NAE1: variants seen among roughly 807,000 people sequenced by gnomAD.
NAE1 encodes the protein NEDD8 activating enzyme E1 subunit 1.
NAE1 carries 59 observed loss-of-function variants against 88.0 expected under a neutral mutation model. The observed-to-expected ratio is 0.67, with a 90% CI of 0.54 to 0.83. NAE1 has a LOEUF of 0.83. NAE1 is among the 40% of genes least tolerant of loss of function. NAE1 has a pLI of 0.00. For synonymous variants in NAE1, 186 were observed against 208.9 expected, an observed-to-expected ratio of 0.89 and a Z score of 0.95; for missense variants, 554 against 632.8, an observed-to-expected ratio of 0.88 and a Z score of 1.34.
At chr16:66,828,155 G>C (rs1960539192) in intron 1 of NAE1, 1 of 1,043,574 alleles carries the variant, frequency 9.6e-7, no homozygotes, top group East Asian at 2.4e-5. Flanking sequence ...GACATATATG[G>C]TTGATGGATG....
At position 66,810,370 on chromosome 16, in the gene NAE1, T is replaced by C; in HGVS notation, c.1150+4A>G. On this transcript the variant is annotated splice_donor_region_variant and intron_variant, in intron 15 of 19. Transcript: ENST00000290810. Reference sequence around the variant, plus strand: ...AATAAGGAAATTAATTCAAGGGGACTTACAGAGTAATTTTAATTCTTTCTC... The same window carrying C: ...AATAAGGAAATTAATTCAAGGGGACCTACAGAGTAATTTTAATTCTTTCTC... 1 of 1,590,688 alleles carries C rather than the reference T, an allele frequency of 6.3e-7. No homozygotes were observed. The highest frequency in any genetic ancestry group is 8.6e-7 in the Non-Finnish European group (1 of 1,159,778).
intron 1 of NAE1, among the ~76,000 whole-genome samples, chr16:66,829,850 T>G (rs950479031): frequency 1.3e-5 from 2 of 152,180 alleles, no homozygotes; most frequent in African/African-American, 4.8e-5. Flanking sequence ...TTAACTGAGA[T>G]GTGCTGGTAA....
At chr16:66,810,880 G>A in intron 13 of NAE1, 108 bp from the exon 14 acceptor site, 1 of 876,606 alleles carries the variant, frequency 1.1e-6, no homozygotes. Context: ...ACACAGGTCT[G>A]ACAATGTATG....
chr16:66,808,458 C>A, intron 17 of NAE1, 63 bp downstream of exon 17: 1 of 1,129,102 alleles, frequency 8.9e-7, no homozygotes, highest in Admixed American at 2.0e-5. Context: ...CCTGAGAACA[C>A]TTTCAATTTA....
chr16:66,829,710 TG>T (rs1960614789), intron 1 of NAE1, among the ~76,000 whole-genome samples: 1 of 152,056 alleles, frequency 6.6e-6, no homozygotes, highest in Non-Finnish European at 1.5e-5. Flanking sequence ...AAATAAGGAA[TG>T]GGTAGTGCAA....
chr16:66,819,837 G>A (rs1226617361), intron 7 of NAE1, among the ~76,000 whole-genome samples: 1 of 152,144 alleles, frequency 6.6e-6, no homozygotes, highest in African/African-American at 2.4e-5. Context: ...AACTAGTAAT[G>A]CTGAACCTTC....
At chr16:66,816,940 A>G (rs1162637913) in intron 10 of NAE1, 25 bp downstream of exon 10, 109 of 1,573,674 alleles carry the variant, frequency 6.9e-5, no homozygotes, top group Non-Finnish European at 9.0e-5. Context: ...AGCTTTATAC[A>G]GTATTTAATC....
intron 19 of NAE1, 145 bp downstream of exon 19, chr16:66,805,632 C>T (rs1439765625): frequency 6.2e-5 from 40 of 640,520 alleles, no homozygotes; most frequent in Admixed American, 5.2e-4. Flanking sequence ...AGTGAGACTG[C>T]GTCTCAAAAA....
At position 66,818,580 on chromosome 16, in the gene NAE1, G is replaced by C; in HGVS notation, c.569C>G (p.Pro190Arg). Reference protein sequence around the residue: ...LEDLRLDKPFPELREHFQSYD... With the variant: ...LEDLRLDKPFRELREHFQSYD... ...GGACTGAAAATGTTCTCTCAGTTCA[G>C]GAAATGGCTTATCTAGTCGTAGATC... The change falls in exon 8 of 20, where the codon CCT becomes CGT. Residue 190 changes from proline (P) to arginine (R), a missense_variant. By Grantham distance (103) the Pro-to-Arg change is moderately radical. Transcript: ENST00000290810. 6.2e-7 allele frequency: 1 copy of C among 1,612,996 alleles called. No homozygotes were observed. The highest frequency in any genetic ancestry group is 2.2e-5 in the East Asian group (1 of 44,802).
intron 8 of NAE1, 62 bp from the exon 9 acceptor site, chr16:66,817,549 C>T (rs1274703021): frequency 3.1e-5 from 35 of 1,127,360 alleles, no homozygotes; most frequent in East Asian, 1.3e-4. Context: ...TGTACCATCT[C>T]GTTTTCAACA....
intron 3 of NAE1, among the ~76,000 whole-genome samples, chr16:66,825,243 C>G (rs1289772374): frequency 6.6e-6 from 1 of 151,958 alleles, no homozygotes; most frequent in South Asian, 2.1e-4. Flanking sequence ...GTCAGGAGAT[C>G]GAGACCATCC....
chr16:66,816,355 C>T (rs902237658), intron 11 of NAE1, among the ~76,000 whole-genome samples: 30 of 151,596 alleles, frequency 2.0e-4, no homozygotes, highest in Admixed American at 2.0e-4. Context: ...AGTAGAGACG[C>T]GGTTTCACTA....
At chr16:66,804,352 GAATA>G (rs1053168377) in intron 19 of NAE1, among the ~76,000 whole-genome samples, 1 of 152,086 alleles carries the variant, frequency 6.6e-6, no homozygotes, top group African/African-American at 2.4e-5. Flanking sequence ...GACTGCATCT[GAATA>G]AATAATAATT....
intron 1 of NAE1, chr16:66,828,077 C>T (rs1960535696): frequency 6.2e-7 from 1 of 1,610,290 alleles, no homozygotes; most frequent in Non-Finnish European, 8.5e-7. Context: ...GGAGGAATCG[C>T]CTAGAAGAAC....
intron 19 of NAE1, among the ~76,000 whole-genome samples, chr16:66,804,670 C>T (rs1273234755): frequency 2.0e-5 from 3 of 152,076 alleles, no homozygotes; most frequent in African/African-American, 7.2e-5. Flanking sequence ...TCGTTTCCCC[C>T]TCAAATTCAT....
chr16:66,811,240 C>G (rs1244988235), intron 13 of NAE1, among the ~76,000 whole-genome samples: 3 of 152,176 alleles, frequency 2.0e-5, no homozygotes, highest in Non-Finnish European at 4.4e-5. Flanking sequence ...TCACTGCAGC[C>G]TCAACTTCCC....
chr16:66,803,957 G>C (rs1959456866), intron 19 of NAE1, among the ~76,000 whole-genome samples: 1 of 151,716 alleles, frequency 6.6e-6, no homozygotes, highest in South Asian at 2.1e-4. Flanking sequence ...ATACAGTAAG[G>C]AAAAAAGACA....
intron 1 of NAE1, 55 bp from the exon 2 acceptor site, chr16:66,826,835 T>C (rs1032932676): frequency 6.0e-6 from 9 of 1,507,842 alleles, no homozygotes; most frequent in Non-Finnish European, 8.1e-6. Flanking sequence ...AATACAGCTT[T>C]CTTATTTGAA....
chr16:66,820,972 G>C (rs1199987646), intron 7 of NAE1, among the ~76,000 whole-genome samples: 3 of 152,144 alleles, frequency 2.0e-5, no homozygotes, highest in Non-Finnish European at 4.4e-5. Flanking sequence ...GGGAGGCTGA[G>C]GCAGGAGAAT....
Sources: allele counts gnomAD v4.1 joint callset (sites outside exome capture counted in the v4.1 genomes callset), GRCh38; gene constraint gnomAD v4.1.1; transcripts MANE v1.5; gene names NCBI Gene and HGNC (gene_info 2026-07-23, HGNC 2026-07-21).